KLHL32: variants seen among roughly 807,000 people sequenced by gnomAD.
KLHL32 encodes kelch-like protein 32.
A neutral mutation model predicts 64.8 loss-of-function variants in KLHL32; 35 were observed. The ratio of observed to expected loss-of-function variants is 0.54; its 90% CI spans 0.41 to 0.72. The LOEUF is 0.72. Among genes scored for constraint, KLHL32 ranks in the 30% least tolerant of loss-of-function variants. The pLI is 0.00. For synonymous variants in KLHL32, 259 were observed against 281.0 expected (o/e 0.92, Z 0.78); for missense variants, 589 against 768.5 (o/e 0.77, Z 2.76).
At chr6:96,972,619 T>C (rs1325820855) in intron 2 of KLHL32, among the ~76,000 whole-genome samples, 1 of 152,228 alleles carries the variant, frequency 6.6e-6, no homozygotes, top group Non-Finnish European at 1.5e-5. Context: ...CTCAAATCTG[T>C]GTTTCCTTGA....
At chr6:96,960,045 A>G (rs1243295132) in intron 1 of KLHL32, among the ~76,000 whole-genome samples, 2 of 152,190 alleles carry the variant, frequency 1.3e-5, no homozygotes, top group African/African-American at 4.8e-5. Flanking sequence ...TGTGTCTTTC[A>G]GTAAATTCCT....
intron 4 of KLHL32, among the ~76,000 whole-genome samples, chr6:97,045,939 G>A (rs946116): frequency 0.15 from 22,177 of 152,116 alleles, 1,944 homozygotes; most frequent in African/African-American, 0.25. Context: ...GAAAAAGAAA[G>A]CCAAATGAGA....
chr6:96,992,034 G>A (rs1406977368), intron 3 of KLHL32, among the ~76,000 whole-genome samples: 1 of 152,218 alleles, frequency 6.6e-6, no homozygotes, highest in Admixed American at 6.5e-5. Context: ...AGCTCAGGCA[G>A]GGCTGCGATG....
At chr6:97,068,339 A>G (rs942740914) in intron 5 of KLHL32, among the ~76,000 whole-genome samples, 2 of 152,176 alleles carry the variant, frequency 1.3e-5, no homozygotes, top group Non-Finnish European at 2.9e-5. Context: ...TTCAAATAAA[A>G]CCACCAAAGT....
At position 97,041,581 on chromosome 6, in the gene KLHL32, G is replaced by A. The variant is rs1464800171; in HGVS notation, c.294G>A (p.Glu98=). Residue 98 remains glutamate (E), a synonymous_variant, in exon 4 of 11, where the codon GAG becomes GAA. Coordinates refer to ENST00000369261, the MANE Select transcript of KLHL32 (RefSeq NM_052904.4). ...VTSLGLKQAL[E]FAYTGQILLE... is the part of the protein sequence containing the mutation. ...GCCTTGGCTTAAAGCAGGCTCTGGA[G>A]TTTGCATACACAGGACAGGTATGGT... The A allele has an allele frequency of 1.2e-6, 2 of 1,609,880 alleles. No homozygotes were observed. Among genetic ancestry groups the A allele is most frequent in the Non-Finnish European group, 8.5e-7 (1 of 1,176,166 alleles).
At chr6:96,902,372 T>G in the KLHL32 span, among the ~76,000 whole-genome samples, 1 of 152,218 alleles carries the variant, frequency 6.6e-6, no homozygotes, top group Non-Finnish European at 1.5e-5. Flanking sequence ...CTTTTTTTCA[T>G]GTTTGTTGGC....
chr6:97,098,840 T>C (rs1030694841), intron 6 of KLHL32, among the ~76,000 whole-genome samples: 2 of 152,238 alleles, frequency 1.3e-5, no homozygotes, highest in Non-Finnish European at 2.9e-5. Context: ...TGCTTTGTTA[T>C]GTCTTGTTTT....
intron 3 of KLHL32, among the ~76,000 whole-genome samples, chr6:96,990,446 C>A (rs1283040478): frequency 6.6e-6 from 1 of 152,170 alleles, no homozygotes; most frequent in African/African-American, 2.4e-5. Context: ...CACGTGGCTC[C>A]TCTGTATTTC....
upstream of KLHL32, among the ~76,000 whole-genome samples, chr6:96,923,355 C>T (rs1353492579): frequency 2.6e-5 from 4 of 152,244 alleles, no homozygotes; most frequent in Admixed American, 1.3e-4. Flanking sequence ...TAGAAGACAA[C>T]GCAATGAAAA....
chr6:97,034,896 G>C (rs185425519), intron 3 of KLHL32, among the ~76,000 whole-genome samples: 4 of 151,848 alleles, frequency 2.6e-5, no homozygotes. Flanking sequence ...ATTGTTTTTT[G>C]GTTGAATCTT....
intron 7 of KLHL32, 28 bp downstream of exon 7, chr6:97,114,537 C>G: frequency 6.2e-7 from 1 of 1,609,932 alleles, no homozygotes; most frequent in Non-Finnish European, 8.5e-7. Flanking sequence ...TTGGATTTAT[C>G]AAAACACACT....
intron 3 of KLHL32, among the ~76,000 whole-genome samples, chr6:96,979,218 A>G (rs113520961): frequency 0.011 from 1,681 of 151,758 alleles, 38 homozygotes; most frequent in African/African-American, 0.039. Flanking sequence ...ATTTGTCAGG[A>G]CCTATGTCCA....
intron 3 of KLHL32, among the ~76,000 whole-genome samples, chr6:97,016,238 A>G (rs939087094): frequency 1.3e-5 from 2 of 152,182 alleles, no homozygotes; most frequent in African/African-American, 4.8e-5. Flanking sequence ...GACAGCTTGC[A>G]CTGTGTGCCT....
At position 97,085,211 on chromosome 6, in the gene KLHL32, T is replaced by G; in HGVS notation, c.497T>G (p.Phe166Cys). The change falls in exon 6 of 11, where the codon TTC (phenylalanine) becomes TGC (cysteine). Residue 166 changes from phenylalanine (F) to cysteine (C), a missense_variant. Around this residue, in one of 3 missense-constraint regions of KLHL32, gnomAD observed 191 missense variants for 223.3 expected, o/e 0.86. Coordinates refer to ENST00000369261, the MANE Select transcript of KLHL32 (RefSeq NM_052904.4). ...TTGTTGGAGAAGGCAGTGATCGATT[T>G]CTTAGTGAAACATCTCTCTGAACTC... ...LTLLEKAVID[F>C]LVKHLSELLK... The G allele has an allele frequency of 6.2e-7, 1 of 1,614,096 alleles. No homozygotes were observed. The highest frequency in any genetic ancestry group is 8.5e-7 in the Non-Finnish European group (1 of 1,180,020).
chr6:96,988,015 G>A (rs1017607710), intron 3 of KLHL32, among the ~76,000 whole-genome samples: 3 of 152,212 alleles, frequency 2.0e-5, no homozygotes, highest in African/African-American at 7.2e-5. Flanking sequence ...AGAAAACTTA[G>A]GCAATACCAT....
chr6:96,986,593 G>GC (rs1777111208), intron 3 of KLHL32, among the ~76,000 whole-genome samples: 1 of 152,172 alleles, frequency 6.6e-6, no homozygotes, highest in Non-Finnish European at 1.5e-5. Context: ...CCCCCAGCCT[G>GC]GCTGCTGCCT....
the KLHL32 span, among the ~76,000 whole-genome samples, chr6:96,908,602 T>G: frequency 6.6e-6 from 1 of 152,218 alleles, no homozygotes; most frequent in African/African-American, 2.4e-5. Context: ...CTTCTTCCTC[T>G]ATCTCACTTA....
At chr6:96,978,512 T>C (rs1775954553) in intron 3 of KLHL32, among the ~76,000 whole-genome samples, 1 of 152,196 alleles carries the variant, frequency 6.6e-6, no homozygotes, top group Admixed American at 6.5e-5. Context: ...CCACAATATA[T>C]ACATACCACA....
chr6:97,093,286 T>C (rs1369188053), intron 6 of KLHL32, among the ~76,000 whole-genome samples: 2 of 152,324 alleles, frequency 1.3e-5, no homozygotes, highest in Non-Finnish European at 2.9e-5. Context: ...TTTACAAGCC[T>C]AGAGGGCTTT....
Sources: allele counts gnomAD v4.1 joint callset (sites outside exome capture counted in the v4.1 genomes callset), GRCh38; gene constraint gnomAD v4.1.1; regional missense constraint gnomAD v4.1.1; transcripts MANE v1.5; gene names NCBI Gene and HGNC (gene_info 2026-07-23, HGNC 2026-07-21).